The following DNAH11 variants were observed in gnomAD, a reference collection of about 807,000 sequenced individuals.
DNAH11 encodes axonemal beta dynein heavy chain 11.
In DNAH11, 442 loss-of-function variants were observed where a neutral mutation model predicts 526.0. The ratio of observed to expected loss-of-function variants is 0.84; its 90% CI spans 0.78 to 0.91. DNAH11 has a LOEUF of 0.91. Among genes scored for constraint, DNAH11 ranks in the 40% least tolerant of loss-of-function variants. DNAH11 has a pLI of 0.00. For synonymous variants in DNAH11, 2,461 were observed against 1,935.9 expected (o/e 1.27, Z -7.12); for missense variants, 6,989 against 5,448.7 (o/e 1.28, Z -8.90).
In DNAH11 at chr7:21,735,896, C is replaced by T. The variant is rs556082284; in HGVS notation, c.7645+52C>T. On this transcript the variant is annotated intron_variant, in intron 46 of 81. Transcript: ENST00000409508. The stretch of plus-strand genomic sequence containing the variant: ...AACAAGGGATCAAAAATCATCAAGG[C>T]GGGCACATGCAGCCCAAAAGACTAA... The T allele has an allele frequency of 3.5e-5, 53 of 1,503,870 alleles. No individual in the cohort carries two copies. The African/African-American group carries it at 5.4e-4, about 15-fold the overall frequency. The allele number at this position is 1,503,870 out of a possible 1,614,324, so 93.2% of individuals were successfully genotyped here.
chr7:21,736,698 G>T (rs1785626131), intron 46 of DNAH11, among the ~76,000 whole-genome samples: 1 of 152,074 alleles, frequency 6.6e-6, no homozygotes, highest in African/African-American at 2.4e-5. Flanking sequence ...CCCTTAGAAA[G>T]CCAACTCAAG....
chr7:21,743,576 T>TC (rs1786012815), intron 49 of DNAH11, among the ~76,000 whole-genome samples: 1 of 152,192 alleles, frequency 6.6e-6, no homozygotes, highest in African/African-American at 2.4e-5. Context: ...CTTTTCAGTA[T>TC]CACTCCACAA....
chr7:21,870,893 T>C (rs1783470112), intron 73 of DNAH11, among the ~76,000 whole-genome samples: 1 of 152,226 alleles, frequency 6.6e-6, no homozygotes, highest in African/African-American at 2.4e-5. Context: ...AAGGAGAGAT[T>C]ATACCAGGCT....
At chr7:21,588,468 T>C in intron 10 of DNAH11, 44 bp from the exon 11 acceptor site, 1 of 1,609,308 alleles carries the variant, frequency 6.2e-7, no homozygotes, top group Non-Finnish European at 8.5e-7. Flanking sequence ...CCATTCTGAC[T>C]AAATGTTCCC....
At chr7:21,804,735 C>T (rs1440200907) in intron 62 of DNAH11, among the ~76,000 whole-genome samples, 1 of 152,176 alleles carries the variant, frequency 6.6e-6, no homozygotes, top group Non-Finnish European at 1.5e-5. Context: ...GCATCTCTCC[C>T]CTAGGGTACC....
At chr7:21,664,270 T>C (rs141330602) in intron 30 of DNAH11, among the ~76,000 whole-genome samples, 2 of 152,064 alleles carry the variant, frequency 1.3e-5, no homozygotes, top group Non-Finnish European at 2.9e-5. Context: ...TAGCTCTAGT[T>C]CTGAGGCTGG....
intron 7 of DNAH11, among the ~76,000 whole-genome samples, 154 bp from the exon 8 acceptor site, chr7:21,571,652 A>C (rs926489129): frequency 6.6e-6 from 1 of 152,126 alleles, no homozygotes; most frequent in African/African-American, 2.4e-5. Flanking sequence ...TTGTTTAATT[A>C]AATACTTATT....
At chr7:21,569,924 C>T (rs1408821812) in intron 6 of DNAH11, 145 bp from the exon 7 acceptor site, 1 of 635,058 alleles carries the variant, frequency 1.6e-6, no homozygotes, top group African/African-American at 1.8e-5. Flanking sequence ...AGCTGAATTT[C>T]TAGAACTTGT....
intron 29 of DNAH11, 77 bp from the exon 30 acceptor site, chr7:21,658,721 C>T: frequency 7.8e-7 from 1 of 1,286,622 alleles, no homozygotes; most frequent in South Asian, 1.6e-5. Context: ...CTCTGCGTGG[C>T]CTTAGAGCCA....
chr7:21,767,816 C>A (rs1291541527), intron 55 of DNAH11, among the ~76,000 whole-genome samples: 1 of 152,144 alleles, frequency 6.6e-6, no homozygotes, highest in Non-Finnish European at 1.5e-5. Flanking sequence ...CTAATTTGAT[C>A]ACTTTCTTAG....
At chr7:21,790,137 A>C (rs1016693706) in intron 61 of DNAH11, among the ~76,000 whole-genome samples, 2 of 151,990 alleles carry the variant, frequency 1.3e-5, no homozygotes, top group African/African-American at 4.8e-5. Context: ...GGTACTTGGC[A>C]CATAGTAAGT....
chr7:21,615,321 C>A, intron 21 of DNAH11, 49 bp downstream of exon 21: 2 of 1,590,884 alleles, frequency 1.3e-6, no homozygotes, highest in South Asian at 1.1e-5. Flanking sequence ...AGTTCTTTTA[C>A]ATATGCAGTT....
At position 21,717,911 on chromosome 7, in the gene DNAH11, A is replaced by T. The variant is rs1310248818; in HGVS notation, c.7120A>T (p.Ser2374Cys). Residue 2374 changes from serine (S) to cysteine (C), a missense_variant, in exon 43 of 82, where the codon AGT (serine) becomes TGT (cysteine). Physicochemically the swap from Ser to Cys is moderately radical, Grantham distance 112 (BLOSUM62 -1). Coordinates refer to ENST00000409508, the MANE Select transcript of DNAH11 (RefSeq NM_001277115.2). ...TAAAACCATCACTTCAATTCCTGAGAGTAGCCTGGTGCAGGTTTGTCTTCG... is the reference window on the plus strand; with the variant it reads ...TAAAACCATCACTTCAATTCCTGAGTGTAGCCTGGTGCAGGTTTGTCTTCG... Reference protein sequence around the residue: ...SFKTITSIPESSLVQTLCVLL... With the variant: ...SFKTITSIPECSLVQTLCVLL... 1.2e-6 allele frequency: 2 copies of T among 1,613,238 alleles called. No individual in the cohort carries two copies.
chr7:21,851,937 A>G (rs1293882824), intron 66 of DNAH11, among the ~76,000 whole-genome samples: 1 of 152,138 alleles, frequency 6.6e-6, no homozygotes, highest in East Asian at 1.9e-4. Context: ...TCATGATGTT[A>G]AATTATTGTT....
At chr7:21,554,984 T>C (rs371239381) in intron 2 of DNAH11, among the ~76,000 whole-genome samples, 1 of 152,220 alleles carries the variant, frequency 6.6e-6, no homozygotes, top group Non-Finnish European at 1.5e-5. Context: ...CCCCTTGATT[T>C]TCCTGTCCCC....
At chr7:21,758,016 G>C (rs942352247) in intron 54 of DNAH11, among the ~76,000 whole-genome samples, 2 of 152,178 alleles carry the variant, frequency 1.3e-5, no homozygotes, top group African/African-American at 4.8e-5. Context: ...TATGCAGATA[G>C]CCATCTCGAC....
rs374303092 is a variant in DNAH11 at position 21,630,740 on chromosome 7, C to A, written c.4501-5131C>A. Reference sequence around the variant, plus strand: ...CTTATTTGCTTCTTTTCTTTTGTTGCTTTACGATTCTCTGTGTCCTTGACC... The same window carrying A: ...CTTATTTGCTTCTTTTCTTTTGTTGATTTACGATTCTCTGTGTCCTTGACC... On this transcript the variant is annotated intron_variant, in intron 25 of 81. Coordinates refer to ENST00000409508, the MANE Select transcript of DNAH11 (RefSeq NM_001277115.2). Among the ~76,000 whole-genome samples, 35 of 152,084 alleles carry A rather than the reference C, an allele frequency of 2.3e-4. No individual in the cohort carries two copies. The East Asian group carries it at 5.2e-3, about 23-fold the overall frequency.
intron 30 of DNAH11, among the ~76,000 whole-genome samples, chr7:21,672,435 A>G (rs1782677925): frequency 6.6e-6 from 1 of 152,190 alleles, no homozygotes; most frequent in South Asian, 2.1e-4. Flanking sequence ...ACAGAGGCTT[A>G]ACACCATGTC....
At chr7:21,871,303 C>T (rs1214035502) in intron 73 of DNAH11, among the ~76,000 whole-genome samples, 3 of 152,158 alleles carry the variant, frequency 2.0e-5, no homozygotes, top group African/African-American at 7.2e-5. Flanking sequence ...CATGCATTTC[C>T]AAGACATATA....
Sources: gnomAD v4.1 joint callset for allele counts (sites outside exome capture counted in the v4.1 genomes callset) on GRCh38, gnomAD v4.1.1 for gene constraint, MANE v1.5 for transcripts, NCBI Gene and HGNC (gene_info 2026-07-23, HGNC 2026-07-21) for gene names.